DCAF6: variants seen among roughly 807,000 people sequenced by gnomAD.
The protein encoded by DCAF6 is DDB1- and CUL4-associated factor 6.
In DCAF6, 54 loss-of-function variants were observed where a neutral mutation model predicts 125.1. The ratio of observed to expected loss-of-function variants is 0.43; its 90% confidence interval spans 0.35 to 0.54. The LOEUF (loss-of-function observed/expected upper bound fraction) is 0.54, where lower values mean the gene tolerates loss of function less well. Among genes scored for constraint, DCAF6 ranks in the 20% least tolerant of loss-of-function variants. DCAF6 has a pLI of 0.01. For missense variants in DCAF6, 934 were observed against 1,161.7 expected (o/e 0.80, Z 2.85); for synonymous variants, 371 against 390.4 (o/e 0.95, Z 0.58).
In DCAF6 at chr1:167,936,868, C is replaced by A. The variant is rs1204859309; in HGVS notation, c.-44C>A. Reference sequence around the variant, plus strand: ...GGGTGTCCCCTCCCCCTCCTCCCCTCCCCCACGCGGTGGTCTCCCCTCCCA... The same window carrying A: ...GGGTGTCCCCTCCCCCTCCTCCCCTACCCCACGCGGTGGTCTCCCCTCCCA... On this transcript the variant is annotated 5_prime_UTR_variant, in exon 1 of 22. Transcript: ENST00000367840. 7.1e-5 allele frequency: 89 copies of A among 1,261,658 alleles called. No homozygotes were observed. Among genetic ancestry groups the A allele is most frequent in the Non-Finnish European group, 9.1e-5 (81 of 887,062 alleles). 78.2% of individuals were successfully genotyped at this position (1,261,658 alleles called of 1,614,324 possible).
chr1:167,953,234 ATTCTC>A (rs1674256563), intron 2 of DCAF6, among the ~76,000 whole-genome samples: 1 of 152,128 alleles, frequency 6.6e-6, no homozygotes, highest in Non-Finnish European at 1.5e-5. Context: ...TATACCTAGA[ATTCTC>A]TTCTCTCACT....
intron 3 of DCAF6, 27 bp downstream of exon 3, chr1:167,966,748 T>A: frequency 7.4e-7 from 1 of 1,354,102 alleles, no homozygotes. Flanking sequence ...AATCTGTAAT[T>A]TAATGAGAGA....
At chr1:168,003,745 T>G in intron 8 of DCAF6, 125 bp from the exon 9 acceptor site, 1 of 808,634 alleles carries the variant, frequency 1.2e-6, no homozygotes, top group South Asian at 2.3e-5. Flanking sequence ...TTCATACAAT[T>G]TATTTAGGAA....
chr1:167,953,809 G>C (rs1674350467), intron 2 of DCAF6, among the ~76,000 whole-genome samples: 1 of 152,134 alleles, frequency 6.6e-6, no homozygotes, highest in African/African-American at 2.4e-5. Flanking sequence ...ATGTTGGCCA[G>C]GCTGGTCTTG....
intron 4 of DCAF6, among the ~76,000 whole-genome samples, chr1:167,983,016 C>A (rs1679436194): frequency 1.3e-5 from 2 of 151,978 alleles, no homozygotes; most frequent in Non-Finnish European, 2.9e-5. Flanking sequence ...GTTTCATTGG[C>A]CTGTGTGTCT....
At position 167,985,942 on chromosome 1, in the gene DCAF6, T is replaced by A. The variant is rs185497758; in HGVS notation, c.439-1553T>A. 1.6e-3 allele frequency among the ~76,000 whole-genome samples: 242 copies of A among 152,328 alleles called. 1 individual carries two copies. Among genetic ancestry groups the A allele is most frequent in the Middle Eastern group, 0.01 (3 of 294 alleles). On this transcript the variant is annotated intron_variant, in intron 4 of 21. Transcript: ENST00000367840. ...AAGTACAGGTTAGTTTGGGCCTTTT[T>A]ACGATTTTATAAAAATGGGAATCAT...
chr1:167,905,144 CA>C, the DCAF6 span: 1 of 1,614,162 alleles, frequency 6.2e-7, no homozygotes. Flanking sequence ...TGTTCATGTT[CA>C]AGACAAATGT....
chr1:167,921,232 T>TG, the DCAF6 span, among the ~76,000 whole-genome samples: 1 of 146,280 alleles, frequency 6.8e-6, no homozygotes, highest in African/African-American at 2.5e-5. Context: ...GTTAGATCAT[T>TG]TTTTTTTTTT....
chr1:168,004,789 G>T lies in DCAF6; in HGVS notation c.1374G>T (p.Gln458His). 1 of 1,613,666 alleles carries T rather than the reference G, an allele frequency of 6.2e-7. No homozygotes were observed. Among genetic ancestry groups the T allele is most frequent in the Non-Finnish European group, 8.5e-7 (1 of 1,179,750 alleles). ...VEASGHHTHHQSEFLRGPEIA... is the reference protein window; with the variant it reads ...VEASGHHTHHHSEFLRGPEIA... Reference sequence around the variant, plus strand: ...CATCTGGACACCACACACATCATCAGTCTGGTGAGGATAAGTATGCTGTGG... The same window carrying T: ...CATCTGGACACCACACACATCATCATTCTGGTGAGGATAAGTATGCTGTGG... The change falls in exon 10 of 22, where the codon CAG becomes CAT. Residue 458 changes from glutamine (Q) to histidine (H), a missense_variant. Transcript: ENST00000367840.
chr1:168,049,325 C>T (rs1342197455), intron 16 of DCAF6, among the ~76,000 whole-genome samples: 2 of 152,050 alleles, frequency 1.3e-5, no homozygotes, highest in Admixed American at 6.6e-5. Context: ...TCACTGCAAC[C>T]TCATACTCCT....
intron 10 of DCAF6, among the ~76,000 whole-genome samples, chr1:168,005,036 A>C (rs1383154966): frequency 6.6e-6 from 1 of 152,208 alleles, no homozygotes; most frequent in Non-Finnish European, 1.5e-5. Flanking sequence ...ACAAGTACCA[A>C]AAGATAGTGT....
the DCAF6 span, among the ~76,000 whole-genome samples, chr1:167,871,132 A>G: frequency 1.3e-5 from 2 of 152,070 alleles, no homozygotes; most frequent in Non-Finnish European, 2.9e-5. Flanking sequence ...AGACTATTAC[A>G]TTAGGAAATA....
At chr1:167,919,964 C>A in the DCAF6 span, 1 of 1,571,046 alleles carries the variant, frequency 6.4e-7, no homozygotes, top group Non-Finnish European at 8.7e-7. Flanking sequence ...TTAAAAATAT[C>A]TCTGGTAGGC....
At chr1:167,980,325 G>A (rs149209367) in intron 4 of DCAF6, among the ~76,000 whole-genome samples, 1 of 151,290 alleles carries the variant, frequency 6.6e-6, no homozygotes, top group East Asian at 1.9e-4. Context: ...CAGTTTTTTC[G>A]GATCTGTACC....
At chr1:168,012,647 A>T (rs1294312426) in intron 10 of DCAF6, among the ~76,000 whole-genome samples, 1 of 152,146 alleles carries the variant, frequency 6.6e-6, no homozygotes, top group African/African-American at 2.4e-5. Context: ...TTAGTCTGTT[A>T]TGTCTGGTTG....
intron 12 of DCAF6, among the ~76,000 whole-genome samples, chr1:168,025,469 C>T (rs972603229): frequency 1.1e-4 from 17 of 152,116 alleles, no homozygotes; most frequent in Admixed American, 6.5e-5. Flanking sequence ...GAAGCTGCAC[C>T]GTAGTAGACT....
chr1:168,071,994 C>T (rs10489206), intron 21 of DCAF6, among the ~76,000 whole-genome samples: 23,880 of 151,976 alleles, frequency 0.16, 2,355 homozygotes, highest in Non-Finnish European at 0.22. Flanking sequence ...GCTCCAATAT[C>T]ACCTCCTTAG....
intron 10 of DCAF6, among the ~76,000 whole-genome samples, chr1:168,010,361 G>A (rs1158124928): frequency 6.6e-6 from 1 of 152,076 alleles, no homozygotes; most frequent in East Asian, 1.9e-4. Flanking sequence ...AGTTGAATAC[G>A]CAAAATGAAT....
At chr1:167,904,082 CTTTTT>C in the DCAF6 span, 680 of 362,104 alleles carry the variant, frequency 1.9e-3, no homozygotes, top group East Asian at 2.2e-3. Flanking sequence ...CGGGCCTCAG[CTTTTT>C]TTTTTTTTTT....
Sources: gnomAD v4.1 joint callset for allele counts (sites outside exome capture counted in the v4.1 genomes callset) on GRCh38, gnomAD v4.1.1 for gene constraint, MANE v1.5 for transcripts, NCBI Gene and HGNC (gene_info 2026-07-23, HGNC 2026-07-21) for gene names.